The following ERI1 variants were observed in gnomAD, a reference collection of about 807,000 sequenced individuals.
ERI1 encodes the protein 3'-5' exoribonuclease 1.
ERI1 carries 39 observed loss-of-function variants against 39.7 expected under a neutral mutation model. The ratio of observed to expected loss-of-function variants is 0.98; its 90% CI spans 0.76 to 1.28. ERI1 has a LOEUF of 1.28. Among genes scored for constraint, ERI1 ranks in the 50% most tolerant of loss-of-function variants. The pLI is 0.00. For missense variants in ERI1, 581 were observed against 416.9 expected (o/e 1.39, Z -3.43); for synonymous variants, 204 against 149.6 (o/e 1.36, Z -2.65).
intron 3 of ERI1, among the ~76,000 whole-genome samples, chr8:9,072,167 C>A (rs551790059): frequency 6.6e-6 from 1 of 152,188 alleles, no homozygotes; most frequent in Non-Finnish European, 1.5e-5. Context: ...CTTTCCCTAA[C>A]GTTTGACAAT....
At chr8:9,093,734 A>AT (rs910907349) in intron 3 of ERI1, among the ~76,000 whole-genome samples, 8 of 151,152 alleles carry the variant, frequency 5.3e-5, no homozygotes, top group Non-Finnish European at 7.4e-5. Flanking sequence ...TGCCCAGCTA[A>AT]TTTTTTTTTG....
downstream of ERI1, among the ~76,000 whole-genome samples, chr8:9,033,586 C>A (rs1422841538): frequency 6.6e-6 from 1 of 152,022 alleles, no homozygotes; most frequent in African/African-American, 2.4e-5. Flanking sequence ...ATGATACTTG[C>A]ATCAGACATT....
At chr8:9,047,054 C>T (rs757033205) in intron 3 of ERI1, among the ~76,000 whole-genome samples, 3 of 152,188 alleles carry the variant, frequency 2.0e-5, no homozygotes, top group East Asian at 1.9e-4. Flanking sequence ...GAATAAAGCA[C>T]GGCTGTTCCC....
chr8:9,090,417 C>G (rs752890897), intron 3 of ERI1, among the ~76,000 whole-genome samples: 1 of 152,052 alleles, frequency 6.6e-6, no homozygotes, highest in Non-Finnish European at 1.5e-5. Flanking sequence ...AAATAATCAG[C>G]AATGCAGATG....
At chr8:9,051,082 G>A (rs1237143990) in intron 3 of ERI1, among the ~76,000 whole-genome samples, 1 of 151,726 alleles carries the variant, frequency 6.6e-6, no homozygotes, top group Non-Finnish European at 1.5e-5. Context: ...ATTTAAAGTA[G>A]GTACGATAGA....
At chr8:9,019,057 G>A (rs1817610958) in intron 5 of ERI1, among the ~76,000 whole-genome samples, 1 of 152,254 alleles carries the variant, frequency 6.6e-6, no homozygotes, top group South Asian at 2.1e-4. Flanking sequence ...TTCTTTCAGA[G>A]AAGGACTTTT....
chr8:9,004,431 T>C (rs991959782), intron 1 of ERI1: 2 of 266,162 alleles, frequency 7.5e-6, no homozygotes, highest in Non-Finnish European at 1.3e-5. Context: ...AAATTGGCTT[T>C]AGTGACGGTA....
chr8:9,054,213 C>G (rs1402992655), intron 3 of ERI1, among the ~76,000 whole-genome samples: 2 of 152,158 alleles, frequency 1.3e-5, no homozygotes, highest in Non-Finnish European at 2.9e-5. Context: ...TTTTAAATAA[C>G]CTATTTTGGA....
intron 3 of ERI1, among the ~76,000 whole-genome samples, chr8:9,065,339 A>G (rs1798840240): frequency 6.6e-6 from 1 of 152,158 alleles, no homozygotes; most frequent in Non-Finnish European, 1.5e-5. Flanking sequence ...CACCACAAGT[A>G]AAGTCAGAAG....
intron 3 of ERI1, among the ~76,000 whole-genome samples, chr8:9,085,431 A>G (rs1004656798): frequency 1.3e-5 from 2 of 151,072 alleles, no homozygotes; most frequent in African/African-American, 4.9e-5. Context: ...CTGGTCTTGA[A>G]CCCCTGACCT....
At chr8:9,089,267 A>T (rs906002248) in intron 3 of ERI1, among the ~76,000 whole-genome samples, 8 of 152,260 alleles carry the variant, frequency 5.3e-5, no homozygotes, top group African/African-American at 1.9e-4. Flanking sequence ...AATTTATTTA[A>T]TTTTAAAAAT....
At chr8:9,071,933 G>A (rs990182085) in intron 3 of ERI1, among the ~76,000 whole-genome samples, 1 of 152,176 alleles carries the variant, frequency 6.6e-6, no homozygotes, top group African/African-American at 2.4e-5. Context: ...AAGCGTGGTG[G>A]TGCGTGCCTG....
chr8:9,034,294 C>T (rs903133897), downstream of ERI1, among the ~76,000 whole-genome samples: 1 of 152,244 alleles, frequency 6.6e-6, no homozygotes, highest in Non-Finnish European at 1.5e-5. Context: ...CATTGTGGAG[C>T]CACAAGGCAT....
At chr8:9,035,223 G>C (rs983284131), downstream of ERI1, among the ~76,000 whole-genome samples, 5 of 152,228 alleles carry the variant, frequency 3.3e-5, no homozygotes, top group Admixed American at 6.5e-5. Context: ...ATCTAGCTAA[G>C]ATAACTAATG....
chr8:9,083,261 A>G (rs1353052262), intron 3 of ERI1, among the ~76,000 whole-genome samples: 2 of 152,128 alleles, frequency 1.3e-5, no homozygotes, highest in Non-Finnish European at 2.9e-5. Context: ...TACTTCTTTT[A>G]TTCCTTTTGG....
At chr8:9,085,173 C>CT (rs1018556883) in intron 3 of ERI1, among the ~76,000 whole-genome samples, 3 of 152,048 alleles carry the variant, frequency 2.0e-5, no homozygotes, top group Non-Finnish European at 2.9e-5. Context: ...GTGCCCACCG[C>CT]TTTTTTTGTT....
At chr8:9,046,244 C>T (rs1326237281) in intron 3 of ERI1, among the ~76,000 whole-genome samples, 7 of 152,222 alleles carry the variant, frequency 4.6e-5, no homozygotes, top group Non-Finnish European at 1.0e-4. Flanking sequence ...GCTAGTTCTT[C>T]TGAGCATATC....
At chr8:9,066,529 G>A in intron 3 of ERI1, among the ~76,000 whole-genome samples, 1 of 152,182 alleles carries the variant, frequency 6.6e-6, no homozygotes. Flanking sequence ...CTGGCCTTTG[G>A]GTTGTTGGGC....
chr8:9,030,270 G>C lies in ERI1; in HGVS notation c.*236G>C. ...TATTCGTTACATAGTAACAGTTCCT[G>C]CTTACAACTGAATTTTATAATTTAA... On this transcript the variant is annotated 3_prime_UTR_variant, in exon 7 of 7. Coordinates refer to ENST00000250263, the MANE Select transcript of ERI1 (RefSeq NM_153332.4). The C allele has an allele frequency of 2.0e-6, 1 of 507,576 alleles. No homozygotes were observed. The highest frequency in any genetic ancestry group is 3.5e-6 in the Non-Finnish European group (1 of 288,050). 31.4% of individuals were successfully genotyped at this position (507,576 alleles called of 1,614,324 possible).
Sources: allele counts gnomAD v4.1 joint callset (sites outside exome capture counted in the v4.1 genomes callset), GRCh38; gene constraint gnomAD v4.1.1; transcripts MANE v1.5; gene names NCBI Gene and HGNC (gene_info 2026-07-23, HGNC 2026-07-21).